Variants in MYOF observed in about 807,000 individuals in gnomAD.
MYOF encodes the protein fer-1-like 3, myoferlin.
In MYOF, 244 loss-of-function variants were observed where a neutral mutation model predicts 284.2. The ratio of observed to expected loss-of-function variants is 0.86; its 90% CI spans 0.77 to 0.95. The LOEUF is 0.95. Among genes scored for constraint, MYOF ranks in the 40% least tolerant of loss-of-function variants. MYOF has a pLI of 0.00. For synonymous variants in MYOF, 904 were observed against 919.7 expected (o/e 0.98, Z 0.31); for missense variants, 2,496 against 2,560.6 (o/e 0.97, Z 0.54).
intron 12 of MYOF, among the ~76,000 whole-genome samples, chr10:93,399,977 T>C (rs2761321): frequency 0.37 from 56,936 of 152,090 alleles, 12,397 homozygotes; most frequent in Middle Eastern, 0.59. Flanking sequence ...TTAGCCAAGA[T>C]CAAGCCAGTA....
intron 35 of MYOF, among the ~76,000 whole-genome samples, chr10:93,350,497 G>A (rs1216733711): frequency 6.6e-6 from 1 of 152,054 alleles, no homozygotes; most frequent in Non-Finnish European, 1.5e-5. Flanking sequence ...ATTTTTAGTA[G>A]AGGCAGGGTT....
At chr10:93,443,004 A>T (rs76814030) in intron 3 of MYOF, among the ~76,000 whole-genome samples, 10 of 152,242 alleles carry the variant, frequency 6.6e-5, no homozygotes, top group Middle Eastern at 3.4e-3. Flanking sequence ...GGTAAAAAAA[A>T]TACATAAATT....
chr10:93,400,974 T>G (rs1847266064), intron 12 of MYOF, among the ~76,000 whole-genome samples: 1 of 150,316 alleles, frequency 6.7e-6, no homozygotes, highest in Non-Finnish European at 1.5e-5. Flanking sequence ...TGCCTCAGCC[T>G]CCCAGGTAGC....
At chr10:93,341,405 A>C (rs1158197721) in intron 38 of MYOF, among the ~76,000 whole-genome samples, 2 of 151,782 alleles carry the variant, frequency 1.3e-5, no homozygotes, top group Non-Finnish European at 2.9e-5. Context: ...CCTCCCGAGT[A>C]GCTGGGATTA....
At chr10:93,344,070 C>A in intron 37 of MYOF, 138 bp from the exon 38 acceptor site, 1 of 806,048 alleles carries the variant, frequency 1.2e-6, no homozygotes, top group Non-Finnish European at 2.0e-6. Context: ...ATAGAGAGGA[C>A]AACTCCTGAA....
At position 93,323,198 on chromosome 10, in the gene MYOF, A is replaced by C. The variant is rs372559624; in HGVS notation, c.5361-25T>G. 2.0e-5 allele frequency: 33 copies of C among 1,613,458 alleles called. No individual in the cohort carries two copies. The African/African-American group carries it at 4.3e-4, about 21-fold the overall frequency. On this transcript the variant is annotated intron_variant, in intron 47 of 53. Coordinates refer to ENST00000359263, the MANE Select transcript of MYOF (RefSeq NM_013451.4). ...TCTGCAAGAAGCACAGTTGGAAGGT[A>C]CTTTTTTTTCTGGTCCTGGACCAAG...
rs965892095 is a variant in MYOF, at chr10:93,431,408, C to G, written c.345G>C (p.Gly115=). The G allele has an allele frequency of 2.4e-5, 39 of 1,612,954 alleles. No individual in the cohort carries two copies. Among genetic ancestry groups the G allele is most frequent in the Non-Finnish European group, 3.3e-5 (39 of 1,179,236 alleles). ...SLLNEKGQDT[G]ATIDLVIGYD... ...ATTCAATAAGAGAGAAAACACTCAC[C>G]CCAGTATCTTGCCCTTTTTCATTTA... Residue 115 remains glycine, a splice_region_variant and synonymous_variant, in exon 4 of 54, where the codon GGG becomes GGC. Coordinates refer to ENST00000359263, the MANE Select transcript of MYOF (RefSeq NM_013451.4).
At chr10:93,387,727 C>A in intron 19 of MYOF, 70 bp downstream of exon 19, 1 of 1,344,444 alleles carries the variant, frequency 7.4e-7, no homozygotes, top group Non-Finnish European at 1.1e-6. Flanking sequence ...TTCCGACTCC[C>A]CCAGCTACCC....
intron 3 of MYOF, among the ~76,000 whole-genome samples, chr10:93,435,323 G>A (rs1432953268): frequency 6.6e-6 from 1 of 152,158 alleles, no homozygotes; most frequent in Admixed American, 6.5e-5. Flanking sequence ...AGCGTGTCTC[G>A]ACCTCAGCAC....
At chr10:93,394,647 A>G (rs1225448848) in intron 16 of MYOF, among the ~76,000 whole-genome samples, 1 of 148,426 alleles carries the variant, frequency 6.7e-6, no homozygotes, top group African/African-American at 2.5e-5. Context: ...TTTTTAATGG[A>G]GACGGGGTTT....
intron 23 of MYOF, among the ~76,000 whole-genome samples, chr10:93,373,324 C>T (rs1845677978): frequency 6.6e-6 from 1 of 152,152 alleles, no homozygotes; most frequent in South Asian, 2.1e-4. Context: ...CGCAGCTTCA[C>T]CTAGCAAAAG....
At chr10:93,322,254 CT>C in intron 48 of MYOF, among the ~76,000 whole-genome samples, 1 of 152,144 alleles carries the variant, frequency 6.6e-6, no homozygotes, top group Non-Finnish European at 1.5e-5. Context: ...CAAGTCTTAT[CT>C]TTCATGTATC....
chr10:93,337,489 C>A, intron 40 of MYOF: 1 of 270,718 alleles, frequency 3.7e-6, no homozygotes, highest in Non-Finnish European at 6.9e-6. Context: ...CTGCAAAGAG[C>A]ACTATGACTT....
chr10:93,378,612 A>G (rs1425042155), intron 21 of MYOF, among the ~76,000 whole-genome samples: 8 of 150,028 alleles, frequency 5.3e-5, no homozygotes, highest in African/African-American at 2.0e-4. Flanking sequence ...AAATCAAAAC[A>G]CCAATGCCAG....
rs1308202215 is a variant in MYOF, at chr10:93,336,003, A to T, written c.4481T>A (p.Leu1494Gln). 1 of 1,614,032 alleles carries T rather than the reference A, an allele frequency of 6.2e-7. No individual in the cohort carries two copies. The highest frequency in any genetic ancestry group is 1.3e-5 in the African/African-American group (1 of 74,942). ...ELENVAEFEG[L>Q]TDFSDTFKLY... Reference sequence around the variant, plus strand: ...CTTGAACGTATCTGAGAAGTCTGTCAGGCCCTCAAATTCTGCTACATTTTC... The same window carrying T: ...CTTGAACGTATCTGAGAAGTCTGTCTGGCCCTCAAATTCTGCTACATTTTC... The change falls in exon 41 of 54, where the codon CTG becomes CAG. Residue 1494 changes from leucine (L) to glutamine (Q), a missense_variant. Leu to Gln is a moderately radical substitution (Grantham distance 113, BLOSUM62 -2). Around this residue, in one of 3 missense-constraint regions of MYOF, gnomAD observed 2,436 missense variants for 2,480.7 expected, o/e 0.98. Coordinates refer to ENST00000359263, the MANE Select transcript of MYOF (RefSeq NM_013451.4).
At chr10:93,391,187 T>C (rs1033005390) in intron 17 of MYOF, among the ~76,000 whole-genome samples, 6 of 152,246 alleles carry the variant, frequency 3.9e-5, no homozygotes, top group Non-Finnish European at 8.8e-5. Flanking sequence ...ATTATTTTTG[T>C]CCAACAAATC....
chr10:93,317,652 A>C (rs946316747), intron 49 of MYOF, among the ~76,000 whole-genome samples: 10 of 150,844 alleles, frequency 6.6e-5, no homozygotes, highest in African/African-American at 2.2e-4. Context: ...ACAAAACAAA[A>C]CAAACCACTG....
rs189181773 is a variant in MYOF, at chr10:93,312,944, G to C, written c.5889+76C>G. On this transcript the variant is annotated intron_variant, in intron 51 of 53. Transcript: ENST00000359263. ...AACTTCCTCATTTTATCTGGAGTAA[G>C]TCTATGGATAAAGGGCAAAACCTAA... 5 of 1,416,712 alleles carry C rather than the reference G, an allele frequency of 3.5e-6. No homozygotes were observed. In the Admixed American group the frequency reaches 1.1e-4, roughly 31 times the overall value. The allele number at this position is 1,416,712 out of a possible 1,614,324, so 87.8% of individuals were successfully genotyped here.
At chr10:93,447,763 C>G (rs184734934) in intron 3 of MYOF, among the ~76,000 whole-genome samples, 5 of 152,152 alleles carry the variant, frequency 3.3e-5, no homozygotes, top group African/African-American at 1.2e-4. Context: ...CAAAAATGCC[C>G]GAAATGAGTG....
Sources: gnomAD v4.1 joint callset for allele counts (sites outside exome capture counted in the v4.1 genomes callset) on GRCh38, gnomAD v4.1.1 for gene constraint, gnomAD v4.1.1 regional missense constraint, MANE v1.5 for transcripts, NCBI Gene and HGNC (gene_info 2026-07-23, HGNC 2026-07-21) for gene names.